DOCK3: variants seen among roughly 807,000 people sequenced by gnomAD.
DOCK3 encodes the protein dedicator of cytokinesis 3, also known as dedicator of cytokinesis protein 3.
Under a neutral mutation model 265.6 loss-of-function variants are expected in DOCK3, and 60 were observed. The ratio of observed to expected loss-of-function variants is 0.23; its 90% confidence interval spans 0.18 to 0.28. The LOEUF (loss-of-function observed/expected upper bound fraction) is 0.28, where lower values mean the gene tolerates loss of function less well. Ranked by LOEUF, DOCK3 falls within the 10% of genes least tolerant of loss-of-function variation. DOCK3 has a pLI of 1.00. For missense variants in DOCK3, 1,981 were observed against 2,594.3 expected (o/e 0.76, Z 5.14); for synonymous variants, 881 against 938.0 (o/e 0.94, Z 1.11).
chr3:51,064,180 A>G (rs950533999), intron 5 of DOCK3, among the ~76,000 whole-genome samples: 4 of 152,206 alleles, frequency 2.6e-5, no homozygotes, highest in African/African-American at 9.6e-5. Context: ...TGATTTACTA[A>G]AGAAATGAAT....
intron 5 of DOCK3, among the ~76,000 whole-genome samples, chr3:50,983,524 A>G (rs764582127): frequency 6.6e-6 from 1 of 152,092 alleles, no homozygotes; most frequent in African/African-American, 2.4e-5. Context: ...CTTTCTGCTG[A>G]AAGTTGAGCA....
At chr3:50,958,628 A>G (rs530809019) in intron 5 of DOCK3, among the ~76,000 whole-genome samples, 1 of 152,352 alleles carries the variant, frequency 6.6e-6, no homozygotes, top group Admixed American at 6.5e-5. Context: ...TTCTCTTCAA[A>G]GGACACTGAT....
chr3:51,161,070 C>T (rs1374243681), intron 12 of DOCK3, among the ~76,000 whole-genome samples: 6 of 145,112 alleles, frequency 4.1e-5, no homozygotes, highest in Non-Finnish European at 7.5e-5. Context: ...AGCGACACTC[C>T]GTTTCAAAGA....
intron 12 of DOCK3, among the ~76,000 whole-genome samples, chr3:51,172,863 A>G (rs938144074): frequency 6.6e-6 from 1 of 152,036 alleles, no homozygotes; most frequent in Non-Finnish European, 1.5e-5. Context: ...ACATTTTATA[A>G]TTTTTTGTTA....
At chr3:51,152,929 G>A (rs1204753687) in intron 10 of DOCK3, among the ~76,000 whole-genome samples, 2 of 152,234 alleles carry the variant, frequency 1.3e-5, no homozygotes, top group Non-Finnish European at 2.9e-5. Context: ...ACTGGGAGGT[G>A]TCTCCCAGTT....
chr3:50,766,645 G>A (rs1229371041), intron 1 of DOCK3, among the ~76,000 whole-genome samples: 2 of 152,126 alleles, frequency 1.3e-5, no homozygotes, highest in African/African-American at 4.8e-5. Flanking sequence ...CCCAGTAATG[G>A]GATGGCTGGG....
rs548076476 is a variant in DOCK3, at chr3:51,143,412, G to A, written c.747-3137G>A. On this transcript the variant is annotated intron_variant, in intron 9 of 52. Coordinates refer to ENST00000266037, the MANE Select transcript of DOCK3 (RefSeq NM_004947.5). ...AGCCTCCTGAGTAGCTGGGATTACAGGCACCCGCCACTATGCCTGGCTAAT... is the reference window on the plus strand; with the variant it reads ...AGCCTCCTGAGTAGCTGGGATTACAAGCACCCGCCACTATGCCTGGCTAAT... 5.3e-5 allele frequency among the ~76,000 whole-genome samples: 8 copies of A among 151,600 alleles called. No homozygotes were observed. The East Asian group carries it at 1.2e-3, about 22-fold the overall frequency.
At chr3:50,828,936 A>C (rs558871297) in intron 2 of DOCK3, among the ~76,000 whole-genome samples, 1 of 147,072 alleles carries the variant, frequency 6.8e-6, no homozygotes, top group South Asian at 2.2e-4. Flanking sequence ...CTGGTCTCGA[A>C]CTCCTCTCCT....
chr3:51,165,206 C>T (rs999184968), intron 12 of DOCK3, among the ~76,000 whole-genome samples: 6 of 152,252 alleles, frequency 3.9e-5, no homozygotes, highest in South Asian at 2.1e-4. Context: ...GGGTTACAGG[C>T]GTGAGCCACC....
rs901080352 is a variant in DOCK3 at position 51,275,195 on chromosome 3, A to G, written c.2665A>G (p.Thr889Ala). Residue 889 changes from threonine (T) to alanine (A), a missense_variant, in exon 25 of 53, where the codon ACC (threonine) becomes GCC (alanine). Thr to Ala is a moderately conservative substitution (Grantham distance 58). This residue lies in a region of DOCK3 where 1,357 missense variants were observed against 1,866.8 expected (regional missense o/e 0.73). Coordinates refer to ENST00000266037, the MANE Select transcript of DOCK3 (RefSeq NM_004947.5). ...TGGCAGCATCTTCTCCATCGTCAAG[A>G]CCAGCTCTCTGGTAGTGGCCCCACA... ...ILGSIFSIVK[T>A]SSLEADVMEE... 3 of 1,613,880 alleles carry G rather than the reference A, an allele frequency of 1.9e-6. No homozygotes were observed. The highest frequency in any genetic ancestry group is 2.5e-6 in the Non-Finnish European group (3 of 1,179,854).
intron 5 of DOCK3, among the ~76,000 whole-genome samples, chr3:51,037,794 T>G (rs567722690): frequency 6.6e-6 from 1 of 152,290 alleles, no homozygotes; most frequent in East Asian, 1.9e-4. Flanking sequence ...TAGATTTCTG[T>G]TGTCAAAACT....
At chr3:50,960,824 C>G (rs1473670967) in intron 5 of DOCK3, among the ~76,000 whole-genome samples, 1 of 151,908 alleles carries the variant, frequency 6.6e-6, no homozygotes, top group East Asian at 1.9e-4. Context: ...ATATTTAGAC[C>G]TATAATCCAT....
At position 51,356,458 on chromosome 3, in the gene DOCK3, A is replaced by G; in HGVS notation, c.4468A>G (p.Ile1490Val). 6 of 1,612,006 alleles carry G rather than the reference A, an allele frequency of 3.7e-6. No homozygotes were observed. Among genetic ancestry groups the G allele is most frequent in the Non-Finnish European group, 5.1e-6 (6 of 1,179,400 alleles). The change falls in exon 43 of 53, where the codon ATC becomes GTC. Residue 1490 changes from isoleucine to valine, a missense_variant. Ile to Val is a conservative substitution (Grantham distance 29). This residue lies in a region of DOCK3 where 1,357 missense variants were observed against 1,866.8 expected (regional missense o/e 0.73). Coordinates refer to ENST00000266037, the MANE Select transcript of DOCK3 (RefSeq NM_004947.5). ...TLTLTHSLPGISRWFEVERRE... is the reference protein window; with the variant it reads ...TLTLTHSLPGVSRWFEVERRE... ...GACCCTGACCCACAGCTTGCCTGGC[A>G]TCTCTCGGTGGTTTGAAGTGGAGAG...
intron 27 of DOCK3, among the ~76,000 whole-genome samples, chr3:51,295,651 A>G (rs1020032496): frequency 6.6e-6 from 1 of 152,234 alleles, no homozygotes; most frequent in South Asian, 2.1e-4. Context: ...TGAAAAACAC[A>G]CACCTAACAT....
chr3:51,129,182 G>A (rs1258569943), intron 9 of DOCK3, among the ~76,000 whole-genome samples: 1 of 152,228 alleles, frequency 6.6e-6, no homozygotes, highest in East Asian at 1.9e-4. Context: ...TCCATGCAAA[G>A]TGCACAACCA....
At chr3:51,316,881 A>G (rs2083398166) in intron 32 of DOCK3, among the ~76,000 whole-genome samples, 3 of 152,210 alleles carry the variant, frequency 2.0e-5, no homozygotes. Context: ...TATGATTTAC[A>G]GATATTTTCT....
intron 9 of DOCK3, among the ~76,000 whole-genome samples, chr3:51,117,078 A>G (rs896158170): frequency 2.0e-5 from 3 of 152,204 alleles, no homozygotes; most frequent in Non-Finnish European, 1.5e-5. Context: ...TTGCCCATTC[A>G]ATATGACATT....
chr3:51,330,222 C>G lies in DOCK3; in HGVS notation c.3487C>G (p.Leu1163Val). The change falls in exon 33 of 53, where the codon CTA becomes GTA. Residue 1163 changes from leucine (L) to valine (V), a missense_variant and splice_region_variant. Coordinates refer to ENST00000266037, the MANE Select transcript of DOCK3 (RefSeq NM_004947.5). ...GAGCTACAGGGAGCTCTTCAGCCTACTGTAAGCTGCTCCAGCCCCAGGCAC... is the reference window on the plus strand; with the variant it reads ...GAGCTACAGGGAGCTCTTCAGCCTAGTGTAAGCTGCTCCAGCCCCAGGCAC... ...DESYRELFSL[L>V]TQLFGPYPSL... The G allele has an allele frequency of 6.3e-7, 1 of 1,590,382 alleles. No homozygotes were observed. Among genetic ancestry groups the G allele is most frequent in the Non-Finnish European group, 8.6e-7 (1 of 1,168,262 alleles).
chr3:51,063,941 TAGA>T (rs1405832307), intron 5 of DOCK3, among the ~76,000 whole-genome samples: 1 of 152,208 alleles, frequency 6.6e-6, no homozygotes, highest in Admixed American at 6.5e-5. Context: ...AGATGAGGCC[TAGA>T]AATCAGGAGT....
Sources: gnomAD v4.1 joint callset for allele counts (sites outside exome capture counted in the v4.1 genomes callset) on GRCh38, gnomAD v4.1.1 for gene constraint, gnomAD v4.1.1 regional missense constraint, MANE v1.5 for transcripts, NCBI Gene and HGNC (gene_info 2026-07-23, HGNC 2026-07-21) for gene names.